The following FHIT variants were observed in gnomAD, a reference collection of about 807,000 sequenced individuals.
FHIT encodes bis(5'-adenosyl)-triphosphatase.
FHIT carries 19 observed loss-of-function variants against 17.9 expected under a neutral mutation model. The observed-to-expected ratio is 1.06, with a 90% CI of 0.74 to 1.56. The LOEUF is 1.56. Among genes scored for constraint, FHIT ranks in the 40% most tolerant of loss-of-function variants. The pLI is 0.00. For missense variants in FHIT, 248 were observed against 189.2 expected (o/e 1.31, Z -1.82); for synonymous variants, 81 against 69.7 (o/e 1.16, Z -0.81).
intron 5 of FHIT, among the ~76,000 whole-genome samples, chr3:60,534,454 A>AAAAAAAAAAAAAG (rs1559519879): frequency 6.9e-5 from 10 of 144,260 alleles, no homozygotes; most frequent in African/African-American, 2.5e-4. Flanking sequence ...AAAAAAAAAA[A>AAAAAAAAAAAAAG]AAAAAAAAAG....
At chr3:60,737,078 A>T (rs1338728778) in intron 4 of FHIT, among the ~76,000 whole-genome samples, 1 of 152,164 alleles carries the variant, frequency 6.6e-6, no homozygotes, top group Non-Finnish European at 1.5e-5. Context: ...GCATACATAA[A>T]AGCTATTCGG....
chr3:60,664,876 G>A (rs1313219185), intron 4 of FHIT, among the ~76,000 whole-genome samples: 1 of 151,704 alleles, frequency 6.6e-6, no homozygotes, highest in Non-Finnish European at 1.5e-5. Flanking sequence ...AATTTTGCTA[G>A]TAGTTTATCA....
intron 5 of FHIT, among the ~76,000 whole-genome samples, chr3:60,454,293 A>T (rs1441266303): frequency 1.3e-5 from 2 of 152,176 alleles, no homozygotes; most frequent in East Asian, 3.9e-4. Flanking sequence ...ACTTTCTATT[A>T]AATAAGCAGG....
chr3:59,887,692 T>A (rs1390406134), intron 8 of FHIT, among the ~76,000 whole-genome samples: 1 of 152,162 alleles, frequency 6.6e-6, no homozygotes, highest in Non-Finnish European at 1.5e-5. Context: ...AGAGAAGCAG[T>A]TGCATCCAGC....
intron 5 of FHIT, among the ~76,000 whole-genome samples, chr3:60,450,336 T>G (rs954241051): frequency 6.6e-6 from 1 of 152,112 alleles, no homozygotes; most frequent in East Asian, 1.9e-4. Context: ...TGGTTCACTG[T>G]TGACTGAAAT....
Position 60,073,365 on chromosome 3 carries a change from T to C in FHIT, c.104-59213A>G, listed in dbSNP as rs142515625. Among the ~76,000 whole-genome samples, 98 of 152,180 alleles carry C rather than the reference T, an allele frequency of 6.4e-4. No individual in the cohort carries two copies. The East Asian group carries it at 0.018, about 27-fold the overall frequency. ...CCTTGCCTTATCATCTTACAAAATA[T>C]CTTATATTAAAAGAGAGAAAAGGAT... On this transcript the variant is annotated intron_variant, in intron 5 of 9. Coordinates refer to ENST00000492590, the MANE Select transcript of FHIT (RefSeq NM_002012.4).
At chr3:60,058,529 T>C (rs1326850543) in intron 5 of FHIT, among the ~76,000 whole-genome samples, 1 of 152,202 alleles carries the variant, frequency 6.6e-6, no homozygotes, top group Non-Finnish European at 1.5e-5. Flanking sequence ...AATGACACAG[T>C]TAGAAATGGT....
chr3:60,632,970 TA>T (rs2039485851), intron 4 of FHIT, among the ~76,000 whole-genome samples: 1 of 152,186 alleles, frequency 6.6e-6, no homozygotes, highest in Admixed American at 6.5e-5. Flanking sequence ...CAGAGGTAGG[TA>T]TCTTGTGAGC....
In FHIT at chr3:60,491,829, AT is replaced by A. The variant is rs199587819; in HGVS notation, c.103+45030del. Among the ~76,000 whole-genome samples, 36 of 151,766 alleles carry A rather than the reference AT, an allele frequency of 2.4e-4. No individual in the cohort carries two copies. In the East Asian group the frequency reaches 2.7e-3, roughly 11 times the overall value. On this transcript the variant is annotated intron_variant, in intron 5 of 9. Coordinates refer to ENST00000492590, the MANE Select transcript of FHIT (RefSeq NM_002012.4). ...TTTATGTTGTTATTTATTTCCTTAAATTTTTTTTTACAACAGAAACACAATG... is the reference window on the plus strand; with the variant it reads ...TTTATGTTGTTATTTATTTCCTTAAATTTTTTTTACAACAGAAACACAATG...
chr3:59,887,113 T>C (rs748851164), intron 8 of FHIT, among the ~76,000 whole-genome samples: 5 of 152,166 alleles, frequency 3.3e-5, no homozygotes, highest in Non-Finnish European at 5.9e-5. Context: ...AAAGCAATTG[T>C]GCAGGGATTC....
intron 4 of FHIT, among the ~76,000 whole-genome samples, chr3:60,622,286 T>G (rs1173803156): frequency 2.0e-5 from 3 of 152,126 alleles, no homozygotes; most frequent in African/African-American, 7.3e-5. Context: ...CATATCTCAA[T>G]TAAAACCATG....
intron 5 of FHIT, among the ~76,000 whole-genome samples, chr3:60,030,547 C>A (rs1700957540): frequency 6.6e-6 from 1 of 152,278 alleles, no homozygotes; most frequent in South Asian, 2.1e-4. Context: ...TCCCTCATAG[C>A]TTATATCAAT....
At chr3:60,150,657 C>A (rs1028975540) in intron 5 of FHIT, among the ~76,000 whole-genome samples, 2 of 152,198 alleles carry the variant, frequency 1.3e-5, no homozygotes, top group Non-Finnish European at 2.9e-5. Context: ...GTCGCTCACA[C>A]CTGCAATCCC....
At chr3:60,851,976 T>C (rs1489120094) in intron 3 of FHIT, among the ~76,000 whole-genome samples, 1 of 152,294 alleles carries the variant, frequency 6.6e-6, no homozygotes, top group Middle Eastern at 3.4e-3. Flanking sequence ...GACTGGGCCA[T>C]GAGGTGCCCA....
At chr3:59,766,501 A>G (rs1046227025) in intron 8 of FHIT, among the ~76,000 whole-genome samples, 9 of 152,108 alleles carry the variant, frequency 5.9e-5, no homozygotes, top group African/African-American at 2.2e-4. Flanking sequence ...CTTAATTAAA[A>G]CTTCTCTGCC....
At chr3:61,089,365 A>G (rs552159649) in intron 2 of FHIT, among the ~76,000 whole-genome samples, 15 of 152,338 alleles carry the variant, frequency 9.8e-5, no homozygotes, top group African/African-American at 3.6e-4. Context: ...GGGAAATCCT[A>G]TACCCATTAA....
intron 6 of FHIT, among the ~76,000 whole-genome samples, chr3:60,012,129 C>T (rs1331331161): frequency 3.3e-5 from 5 of 152,040 alleles, no homozygotes; most frequent in Non-Finnish European, 7.4e-5. Context: ...TGAGAACTCC[C>T]GCCGTAAGGA....
At chr3:60,944,850 T>C (rs1328802199) in intron 3 of FHIT, among the ~76,000 whole-genome samples, 1 of 152,220 alleles carries the variant, frequency 6.6e-6, no homozygotes, top group African/African-American at 2.4e-5. Context: ...GCACACTTTA[T>C]TGATGAAACA....
intron 2 of FHIT, among the ~76,000 whole-genome samples, chr3:61,051,873 G>A (rs2034041745): frequency 1.3e-5 from 2 of 152,284 alleles, no homozygotes; most frequent in South Asian, 2.1e-4. Flanking sequence ...ATCTAATGAT[G>A]AGTAAGAATG....
Sources: allele counts gnomAD v4.1 joint callset (sites outside exome capture counted in the v4.1 genomes callset), GRCh38; gene constraint gnomAD v4.1.1; transcripts MANE v1.5; gene names NCBI Gene and HGNC (gene_info 2026-07-23, HGNC 2026-07-21).